Variants in GSAP observed in about 807,000 individuals in gnomAD.
GSAP encodes gamma-secretase-activating protein.
GSAP carries 118 observed loss-of-function variants against 131.7 expected under a neutral mutation model. That is an observed-to-expected ratio of 0.90 (90% confidence interval 0.77 to 1.04). GSAP has a LOEUF of 1.04. Ranked by LOEUF, GSAP falls within the 50% of genes least tolerant of loss-of-function variation. The pLI, the probability that GSAP is intolerant of heterozygous loss-of-function variation, is 0.00. For missense variants in GSAP, 1,019 were observed against 1,013.2 expected (o/e 1.01, Z -0.08); for synonymous variants, 381 against 363.4 (o/e 1.05, Z -0.55).
At chr7:77,340,027 AAAG>A (rs1281260658) in intron 19 of GSAP, among the ~76,000 whole-genome samples, 1 of 152,224 alleles carries the variant, frequency 6.6e-6, no homozygotes, top group Non-Finnish European at 1.5e-5. Flanking sequence ...AAGAATCACA[AAAG>A]AAGTGAAAAT....
chr7:77,389,742 G>A (rs1286074492), intron 5 of GSAP, among the ~76,000 whole-genome samples: 10 of 152,222 alleles, frequency 6.6e-5, no homozygotes, highest in African/African-American at 2.4e-4. Flanking sequence ...CACAATAAAT[G>A]TATGTGTGCA....
At position 77,338,543 on chromosome 7, in the gene GSAP, C is replaced by T. The variant is rs188195610; in HGVS notation, c.1546-8176G>A. ...ACAAATTTATTTCTCACAGTTCTTC[C>T]GACTGGAGTGCCCAAAATCAGGGTG... On this transcript the variant is annotated intron_variant, in intron 19 of 30. Coordinates refer to ENST00000257626, the MANE Select transcript of GSAP (RefSeq NM_017439.4). Among the ~76,000 whole-genome samples the T allele has an allele frequency of 5.3e-5, 8 of 152,246 alleles. No homozygotes were observed. In the East Asian group the frequency reaches 1.5e-3, roughly 29 times the overall value.
chr7:77,365,243 C>G (rs1393958332), intron 12 of GSAP, among the ~76,000 whole-genome samples: 1 of 152,016 alleles, frequency 6.6e-6, no homozygotes, highest in African/African-American at 2.4e-5. Context: ...TTTTTAACTT[C>G]TATTTTCAGT....
chr7:77,360,846 C>T lies in GSAP; in HGVS notation c.1005G>A (p.Lys335=). 6.3e-7 allele frequency: 1 copy of T among 1,596,634 alleles called. No individual in the cohort carries two copies. Among genetic ancestry groups the T allele is most frequent in the Non-Finnish European group, 8.6e-7 (1 of 1,164,482 alleles). ...SLENVGSHMT[K]GITFLNLDYY... ...CACCAAGGTTGAGAAAAGTAATGCC[C>T]TTTGTCATGTGTGACCCAACATTCT... Residue 335 remains lysine (K), a synonymous_variant, in exon 14 of 31, where the codon AAG becomes AAA. Transcript: ENST00000257626.
At position 77,362,639 on chromosome 7, in the gene GSAP, C is replaced by T. The variant is rs1563030540; in HGVS notation, c.893G>A (p.Ser298Asn). Residue 298 changes from serine to asparagine, a missense_variant, in exon 13 of 31, where the codon AGC becomes AAC. By Grantham distance (46) the Ser-to-Asn change is conservative. Transcript: ENST00000257626. ...TTGTCCCCAAGAGGCACACTTCGGG[C>T]TGTAACATACACACAAACTTCCTAG... ...NHTGSLCVCY[S>N]PKCASWGQIT... is the part of the protein sequence containing the mutation. 3.2e-6 allele frequency: 5 copies of T among 1,572,606 alleles called. No homozygotes were observed. The highest frequency in any genetic ancestry group is 4.4e-6 in the Non-Finnish European group (5 of 1,142,922).
In GSAP at chr7:77,374,075, T is replaced by A; in HGVS notation, c.866A>T (p.His289Leu). 1 of 1,525,060 alleles carries A rather than the reference T, an allele frequency of 6.6e-7. No homozygotes were observed. Among genetic ancestry groups the A allele is most frequent in the East Asian group, 2.3e-5 (1 of 44,112 alleles). 94.5% of individuals were successfully genotyped at this position (1,525,060 alleles called of 1,614,324 possible). Residue 289 changes from histidine (H) to leucine (L), a missense_variant, in exon 12 of 31, where the codon CAT (histidine) becomes CTT (leucine). By Grantham distance (99) the His-to-Leu change is moderately conservative (BLOSUM62 -3). Coordinates refer to ENST00000257626, the MANE Select transcript of GSAP (RefSeq NM_017439.4). Reference sequence around the variant, plus strand: ...TAAATACAACCCTAGTTTACCTGTATGGTTGGTAAAAACACACAGAGTCAG... The same window carrying A: ...TAAATACAACCCTAGTTTACCTGTAAGGTTGGTAAAAACACACAGAGTCAG... ...KHLTLCVFTN[H>L]TGSLCVCYSP...
Position 77,362,671 on chromosome 7 carries a change from A to T in GSAP, c.872-11T>A. ...ATACACACAAACTTCCTAGAAGAAA[A>T]AGGATATTTAGTAGAGTTTAACAGA... On this transcript the variant is annotated splice_polypyrimidine_tract_variant and intron_variant, in intron 12 of 30. Coordinates refer to ENST00000257626, the MANE Select transcript of GSAP (RefSeq NM_017439.4). 6.7e-7 allele frequency: 1 copy of T among 1,496,314 alleles called. No individual in the cohort carries two copies. The highest frequency in any genetic ancestry group is 1.1e-5 in the South Asian group (1 of 88,122). 92.7% of individuals were successfully genotyped at this position (1,496,314 alleles called of 1,614,324 possible).
intron 19 of GSAP, among the ~76,000 whole-genome samples, chr7:77,340,983 C>T (rs1047785231): frequency 6.6e-6 from 1 of 152,140 alleles, no homozygotes; most frequent in Non-Finnish European, 1.5e-5. Context: ...AACTTAAAAC[C>T]TCTTCACCTC....
At chr7:77,416,003 C>A in intron 1 of GSAP, 2 of 430,144 alleles carry the variant, frequency 4.6e-6, no homozygotes, top group South Asian at 9.8e-5. Context: ...CCCACGGCGA[C>A]CTGGCCCGGG....
chr7:77,411,642 T>G (rs1803298788), intron 1 of GSAP, among the ~76,000 whole-genome samples: 1 of 152,210 alleles, frequency 6.6e-6, no homozygotes, highest in Non-Finnish European at 1.5e-5. Flanking sequence ...TGAGCTGTAT[T>G]TTGTTCATAG....
At chr7:77,353,730 G>C in intron 16 of GSAP, 89 bp from the exon 17 acceptor site, 1 of 751,184 alleles carries the variant, frequency 1.3e-6, no homozygotes, top group East Asian at 2.6e-5. Flanking sequence ...TGAATCTTTT[G>C]CATTCTATAC....
chr7:77,404,901 C>T (rs1801988689), intron 2 of GSAP, among the ~76,000 whole-genome samples: 1 of 152,138 alleles, frequency 6.6e-6, no homozygotes, highest in South Asian at 2.1e-4. Flanking sequence ...TTTGAAAACA[C>T]ACACATATGA....
chr7:77,320,858 C>A, intron 25 of GSAP, 39 bp from the exon 26 acceptor site: 1 of 1,265,812 alleles, frequency 7.9e-7, no homozygotes, highest in East Asian at 2.3e-5. Flanking sequence ...AGCCAAGGAG[C>A]TCATCTGTGA....
chr7:77,355,496 A>T (rs1584454088), intron 15 of GSAP, 59 bp downstream of exon 15: 1 of 1,516,842 alleles, frequency 6.6e-7, no homozygotes, highest in East Asian at 2.3e-5. Context: ...AAACATAGAT[A>T]TTAAAGTCAA....
chr7:77,347,987 C>CAAAAAAAAAAA (rs34156549), intron 19 of GSAP, among the ~76,000 whole-genome samples: 1 of 118,796 alleles, frequency 8.4e-6, no homozygotes, highest in Non-Finnish European at 1.8e-5. Context: ...CCCATCTCTA[C>CAAAAAAAAAAA]AAAAAAAAAA....
At chr7:77,398,416 A>G (rs1800785117) in intron 3 of GSAP, among the ~76,000 whole-genome samples, 1 of 152,178 alleles carries the variant, frequency 6.6e-6, no homozygotes, top group Non-Finnish European at 1.5e-5. Flanking sequence ...GGGATTCTAA[A>G]TTATTACTAA....
In GSAP at chr7:77,379,495, G is replaced by A. The variant is rs537719359; in HGVS notation, c.576+1810C>T. 5.2e-4 allele frequency among the ~76,000 whole-genome samples: 79 copies of A among 152,164 alleles called. 1 individual carries two copies. In the South Asian group the frequency reaches 0.016, roughly 32 times the overall value. On this transcript the variant is annotated intron_variant, in intron 8 of 30. Transcript: ENST00000257626. Reference sequence around the variant, plus strand: ...ATGTGAATTAAGGAATGCTGAAGCTGCACCATCCTGAATTGCAGAATCTTT... The same window carrying A: ...ATGTGAATTAAGGAATGCTGAAGCTACACCATCCTGAATTGCAGAATCTTT...
At chr7:77,312,020 T>C (rs1381310066) in intron 29 of GSAP, 80 bp from the exon 30 acceptor site, 1 of 1,169,960 alleles carries the variant, frequency 8.5e-7, no homozygotes, top group South Asian at 1.2e-5. Flanking sequence ...AGAACTGTAA[T>C]TGCTGTCCAT....
Position 77,349,544 on chromosome 7 carries a change from G to A in GSAP, c.1492-140C>T, listed in dbSNP as rs111824505. On this transcript the variant is annotated intron_variant, in intron 18 of 30. Coordinates refer to ENST00000257626, the MANE Select transcript of GSAP (RefSeq NM_017439.4). ...TAACCTCTACTTTAAATAAACCTTG[G>A]AGGGCATAAATAACAGTGAATATAG... 57 of 653,000 alleles carry A rather than the reference G, an allele frequency of 8.7e-5. No individual in the cohort carries two copies. In the African/African-American group the frequency reaches 9.8e-4, roughly 11 times the overall value. 40.5% of individuals were successfully genotyped at this position (653,000 alleles called of 1,614,324 possible).
Sources: allele counts gnomAD v4.1 joint callset (sites outside exome capture counted in the v4.1 genomes callset), GRCh38; gene constraint gnomAD v4.1.1; transcripts MANE v1.5; gene names NCBI Gene and HGNC (gene_info 2026-07-23, HGNC 2026-07-21).